PPP6C: variants seen among roughly 807,000 people sequenced by gnomAD.
The protein encoded by PPP6C is serine/threonine-protein phosphatase 6 catalytic subunit.
Under a neutral mutation model 39.8 loss-of-function variants are expected in PPP6C, and 11 were observed. The ratio of observed to expected loss-of-function variants is 0.28; its 90% confidence interval spans 0.17 to 0.46. The LOEUF (loss-of-function observed/expected upper bound fraction) is 0.46, where lower values mean the gene tolerates loss of function less well. Ranked by LOEUF, PPP6C falls within the 20% of genes least tolerant of loss-of-function variation. The probability of loss-of-function intolerance (pLI) is 1.00; values close to 1 mark genes in which losing one functional copy is unlikely to be tolerated. For synonymous variants in PPP6C, 129 were observed against 130.3 expected (o/e 0.99, Z 0.07); for missense variants, 211 against 373.9 (o/e 0.56, Z 3.59).
chr9:125,168,802 C>G (rs1303842581), intron 2 of PPP6C, among the ~76,000 whole-genome samples: 1 of 151,034 alleles, frequency 6.6e-6, no homozygotes, highest in African/African-American at 2.4e-5. Context: ...CACTCTATTG[C>G]CCAGGCTGGG....
At chr9:125,167,911 T>C (rs1829062061) in intron 2 of PPP6C, among the ~76,000 whole-genome samples, 1 of 144,862 alleles carries the variant, frequency 6.9e-6, no homozygotes, top group Non-Finnish European at 1.5e-5. Context: ...CACCTCAGCC[T>C]CCCAAAGTGC....
chr9:125,187,734 AG>A (rs1272682157), intron 1 of PPP6C, among the ~76,000 whole-genome samples: 1 of 151,992 alleles, frequency 6.6e-6, no homozygotes, highest in Non-Finnish European at 1.5e-5. Context: ...AGGTCTGGTT[AG>A]TTTTCCATGA....
At chr9:125,189,401 G>A (rs1014798359) in intron 1 of PPP6C, among the ~76,000 whole-genome samples, 3 of 152,252 alleles carry the variant, frequency 2.0e-5, no homozygotes, top group Non-Finnish European at 2.9e-5. Flanking sequence ...AGGCCAGAAG[G>A]GGCGACCCTG....
In PPP6C at chr9:125,177,792, T is replaced by C. The variant is rs568371764; in HGVS notation, c.76-6612A>G. Among the ~76,000 whole-genome samples, 10 of 152,322 alleles carry C rather than the reference T, an allele frequency of 6.6e-5. No individual in the cohort carries two copies. The South Asian group carries it at 2.1e-3, about 32-fold the overall frequency. ...CCTACCATTATAGTATCATACAGAA[T>C]AGTTTCACCTATTCAAATTCACCTC... On this transcript the variant is annotated intron_variant, in intron 1 of 6. Transcript: ENST00000373547.
intron 1 of PPP6C, among the ~76,000 whole-genome samples, chr9:125,174,228 A>G (rs1421523267): frequency 6.6e-6 from 1 of 152,226 alleles, no homozygotes; most frequent in East Asian, 1.9e-4. Context: ...TCTAAATGCT[A>G]TAATCTCATT....
intron 2 of PPP6C, among the ~76,000 whole-genome samples, chr9:125,162,391 G>A (rs1828897028): frequency 6.8e-6 from 1 of 146,232 alleles, no homozygotes; most frequent in African/African-American, 2.5e-5. Context: ...CCAGGAGGTA[G>A]AGGTTGCAGT....
intron 1 of PPP6C, among the ~76,000 whole-genome samples, chr9:125,171,472 CACACACATAT>C (rs1453451419): frequency 4.6e-4 from 15 of 32,400 alleles, no homozygotes; most frequent in African/African-American, 1.8e-3. Flanking sequence ...CACACACACA[CACACACATAT>C]ATATATATAT....
chr9:125,181,138 A>C (rs955693802), intron 1 of PPP6C, among the ~76,000 whole-genome samples: 1 of 152,102 alleles, frequency 6.6e-6, no homozygotes, highest in African/African-American at 2.4e-5. Context: ...ATGCAATCTC[A>C]CTATAAACGC....
At chr9:125,156,577 T>A (rs1836081287) in intron 4 of PPP6C, among the ~76,000 whole-genome samples, 1 of 152,198 alleles carries the variant, frequency 6.6e-6, no homozygotes, top group Admixed American at 6.5e-5. Flanking sequence ...TGGCCCAGCC[T>A]ATCTTTATAA....
At chr9:125,154,057 G>T in intron 4 of PPP6C, 72 bp from the exon 5 acceptor site, 2 of 1,145,202 alleles carry the variant, frequency 1.7e-6, no homozygotes, top group African/African-American at 1.5e-5. Context: ...CAATACTAGA[G>T]CAGCCTTCAG....
At position 125,157,696 on chromosome 9, in the gene PPP6C, G is replaced by GTC. The variant is rs1554721317; in HGVS notation, c.379+544_379+545insGA. ...GCCCAGCATTCTCCTTTTTTTTTTG[G>GTC]TTTTTTTTTTTTTGAGACGGAGTCT... On this transcript the variant is annotated intron_variant, in intron 4 of 6. Transcript: ENST00000373547. Among the ~76,000 whole-genome samples, 2 of 140,032 alleles carry GTC rather than the reference G, an allele frequency of 1.4e-5. 1 individual carries two copies. The highest frequency in any genetic ancestry group is 1.5e-4 in the Admixed American group (2 of 13,618). 91.9% of individuals were successfully genotyped at this position (140,032 alleles called of 152,430 possible).
Position 125,167,839 on chromosome 9 carries a change from G to C in PPP6C, c.171+3246C>G, listed in dbSNP as rs1041205013. Among the ~76,000 whole-genome samples the C allele has an allele frequency of 1.2e-4, 16 of 137,222 alleles. 2 individuals are homozygous for C. The highest frequency in any genetic ancestry group is 7.4e-4 in the East Asian group (3 of 4,056). The allele number at this position is 137,222 out of a possible 152,430, so 90.0% of individuals were successfully genotyped here. A position where few individuals can be genotyped will look rare whatever the true frequency, so the allele number is the denominator to read the frequency against. ...GTCAGGAGTTTGAGATGGGGGGGGG[G>C]GGGGGGGGTATCATTTGGTTGCCCA... is the stretch of plus-strand genomic sequence containing the variant. On this transcript the variant is annotated intron_variant, in intron 2 of 6. Coordinates refer to ENST00000373547, the MANE Select transcript of PPP6C (RefSeq NM_002721.5).
chr9:125,178,906 C>G (rs1321852760), intron 1 of PPP6C, among the ~76,000 whole-genome samples: 3 of 152,064 alleles, frequency 2.0e-5, no homozygotes, highest in African/African-American at 7.2e-5. Flanking sequence ...TGTTCATTTT[C>G]TTATTGAGTT....
intron 2 of PPP6C, among the ~76,000 whole-genome samples, chr9:125,166,686 C>A (rs968193583): frequency 3.3e-5 from 5 of 151,972 alleles, no homozygotes; most frequent in Admixed American, 2.6e-4. Flanking sequence ...GCACCCACCA[C>A]CACACCTGGC....
chr9:125,155,449 G>A (rs1037703118), intron 4 of PPP6C, among the ~76,000 whole-genome samples: 2 of 152,156 alleles, frequency 1.3e-5, no homozygotes, highest in Admixed American at 6.5e-5. Flanking sequence ...CTAACAATGA[G>A]CTCAGGTTGC....
chr9:125,167,408 AAAAAG>A, intron 2 of PPP6C, among the ~76,000 whole-genome samples: 1 of 149,232 alleles, frequency 6.7e-6, no homozygotes, highest in African/African-American at 2.5e-5. Flanking sequence ...AAGAAATAAA[AAAAAG>A]GCCGGGCATG....
intron 2 of PPP6C, among the ~76,000 whole-genome samples, chr9:125,162,193 CA>C (rs1828891969): frequency 6.6e-6 from 1 of 151,982 alleles, no homozygotes; most frequent in South Asian, 2.1e-4. Context: ...TTTGGGAGCT[CA>C]CGCCTGTAAT....
rs539771868 is a variant in PPP6C, at chr9:125,184,398, T to A, written c.75+5246A>T. Among the ~76,000 whole-genome samples the A allele has an allele frequency of 1.3e-3, 194 of 150,332 alleles. 1 individual carries two copies. Among genetic ancestry groups the A allele is most frequent in the African/African-American group, 4.3e-3 (175 of 40,822 alleles). ...TGAGACTCCATCTCAAAAATAAAAA[T>A]AATAATTAATCAGCTGGGCACACTA... On this transcript the variant is annotated intron_variant, in intron 1 of 6. Coordinates refer to ENST00000373547, the MANE Select transcript of PPP6C (RefSeq NM_002721.5).
chr9:125,162,946 C>T (rs891730442), intron 2 of PPP6C, among the ~76,000 whole-genome samples: 9 of 151,196 alleles, frequency 6.0e-5, no homozygotes, highest in African/African-American at 2.2e-4. Flanking sequence ...GGCGTGGCGG[C>T]GGGCACCTGT....
Sources: allele counts gnomAD v4.1 joint callset (sites outside exome capture counted in the v4.1 genomes callset), GRCh38; gene constraint gnomAD v4.1.1; transcripts MANE v1.5; gene names NCBI Gene and HGNC (gene_info 2026-07-23, HGNC 2026-07-21).